The following FBXO5 variants were observed in gnomAD, a reference collection of about 807,000 sequenced individuals.
FBXO5 encodes the protein F-box protein 5, also known as F-box only protein 5.
In FBXO5, 8 loss-of-function variants were observed where a neutral mutation model predicts 43.3. The observed-to-expected ratio is 0.18, with a 90% CI of 0.11 to 0.33. The LOEUF is 0.33. FBXO5 is among the 10% of genes least tolerant of loss of function. FBXO5 has a pLI of 1.00. For missense variants in FBXO5, 491 were observed against 535.7 expected (o/e 0.92, Z 0.82); for synonymous variants, 204 against 193.7 (o/e 1.05, Z -0.44).
At chr6:152,977,939 C>G (rs1225932954) in intron 1 of FBXO5, among the ~76,000 whole-genome samples, 2 of 152,036 alleles carry the variant, frequency 1.3e-5, no homozygotes, top group Admixed American at 1.3e-4. Flanking sequence ...GATGCAAATC[C>G]TTTATATTTG....
At chr6:152,971,566 T>G in intron 4 of FBXO5, 152 bp from the exon 5 acceptor site, 2 of 738,314 alleles carry the variant, frequency 2.7e-6, no homozygotes, top group South Asian at 3.9e-5. Flanking sequence ...CTATTGCCCT[T>G]TATCTATGCA....
At chr6:152,972,111 T>C (rs1430403242) in intron 4 of FBXO5, among the ~76,000 whole-genome samples, 161 bp downstream of exon 4, 1 of 152,194 alleles carries the variant, frequency 6.6e-6, no homozygotes, top group Admixed American at 6.5e-5. Flanking sequence ...CTAATTATAC[T>C]ATAATTAAAT....
chr6:152,980,179 A>C (rs998257147), intron 1 of FBXO5, among the ~76,000 whole-genome samples: 3 of 152,242 alleles, frequency 2.0e-5, no homozygotes, highest in Non-Finnish European at 4.4e-5. Context: ...AAAGACAGAA[A>C]ACATTATATG....
intron 1 of FBXO5, among the ~76,000 whole-genome samples, chr6:152,982,408 C>A (rs1778276156): frequency 6.6e-6 from 1 of 151,622 alleles, no homozygotes; most frequent in African/African-American, 2.4e-5. Context: ...AAAAGGGGCG[C>A]AGGGGGAGAA....
At chr6:152,979,514 T>C (rs1199143972) in intron 1 of FBXO5, among the ~76,000 whole-genome samples, 1 of 152,242 alleles carries the variant, frequency 6.6e-6, no homozygotes, top group African/African-American at 2.4e-5. Flanking sequence ...TACTCCTTTT[T>C]GTTCTTTTTC....
chr6:152,974,568 C>T (rs1011809182), intron 2 of FBXO5, among the ~76,000 whole-genome samples: 3 of 152,180 alleles, frequency 2.0e-5, no homozygotes, highest in African/African-American at 7.2e-5. Flanking sequence ...ACCAGCAAGT[C>T]ATTACCGCAA....
At chr6:152,983,079 G>C, upstream of FBXO5, 1 of 549,582 alleles carries the variant, frequency 1.8e-6, no homozygotes, top group Non-Finnish European at 2.9e-6. Flanking sequence ...TAAAATCTTT[G>C]AATTTGGTGC....
intron 1 of FBXO5, among the ~76,000 whole-genome samples, chr6:152,978,891 T>C (rs1370444163): frequency 6.6e-6 from 1 of 151,732 alleles, no homozygotes; most frequent in Non-Finnish European, 1.5e-5. Flanking sequence ...CTAGGGAGGC[T>C]GAGGCGGGAG....
rs1778077188 is a variant in FBXO5 at position 152,971,020 on chromosome 6, T to A, written c.*143A>T. On this transcript the variant is annotated 3_prime_UTR_variant, in exon 5 of 5. Transcript: ENST00000229758. Reference sequence around the variant, plus strand: ...TATTTTAAGAGGTTGTCTATCCTCTTTATCTTCTGGGGGGAAAAAAACCTC... The same window carrying A: ...TATTTTAAGAGGTTGTCTATCCTCTATATCTTCTGGGGGGAAAAAAACCTC... The A allele has an allele frequency of 2.9e-6, 2 of 693,788 alleles. No homozygotes were observed. The highest frequency in any genetic ancestry group is 4.4e-6 in the Non-Finnish European group (2 of 455,314). The allele number at this position is 693,788 out of a possible 1,614,324, so 43.0% of individuals were successfully genotyped here.
chr6:152,982,192 T>TG (rs60403210), intron 1 of FBXO5, among the ~76,000 whole-genome samples: 7 of 151,982 alleles, frequency 4.6e-5, no homozygotes, highest in African/African-American at 1.7e-4. Context: ...TCCAATGAGT[T>TG]GGGGGGGTGT....
chr6:152,983,042 C>T, upstream of FBXO5: 1 of 786,918 alleles, frequency 1.3e-6, no homozygotes, highest in African/African-American at 1.8e-5. Flanking sequence ...AGACCTGTAT[C>T]TCTTAAAAGG....
At chr6:152,973,222 A>G (rs2129093324) in intron 2 of FBXO5, 86 bp from the exon 3 acceptor site, 2 of 1,056,588 alleles carry the variant, frequency 1.9e-6, no homozygotes, top group South Asian at 2.7e-5. Flanking sequence ...CAGCAGTGCA[A>G]AAAGATATTT....
At position 152,970,632 on chromosome 6, in the gene FBXO5, A is replaced by G. The variant is rs1398078076; in HGVS notation, c.*531T>C. On this transcript the variant is annotated 3_prime_UTR_variant, in exon 5 of 5. Coordinates refer to ENST00000229758, the MANE Select transcript of FBXO5 (RefSeq NM_012177.5). ...ATATTTACATGTATACAAAAATATT[A>G]AAACAGATTTCAGAAATAAGGAAAA... 6.6e-6 allele frequency: 1 copy of G among 152,344 alleles called. No individual in the cohort carries two copies. Among genetic ancestry groups the G allele is most frequent in the Non-Finnish European group, 1.5e-5 (1 of 68,104 alleles). The allele number at this position is 152,344 out of a possible 1,614,324, so 9.4% of individuals were successfully genotyped here. A position where few individuals can be genotyped will look rare whatever the true frequency, so the allele number is the denominator to read the frequency against.
intron 1 of FBXO5, among the ~76,000 whole-genome samples, chr6:152,978,040 T>C (rs911582183): frequency 6.6e-6 from 1 of 152,052 alleles, no homozygotes; most frequent in Non-Finnish European, 1.5e-5. Context: ...GAAGTGTAGC[T>C]TAGTTTGCCC....
rs79257289 is a variant in FBXO5, at chr6:152,970,851, T to C, written c.*312A>G. ...CATATTTAAGACTGTCTAGGTAAAATTGCATGGGTTTCCTTTACCATAAAA... is the reference window on the plus strand; with the variant it reads ...CATATTTAAGACTGTCTAGGTAAAACTGCATGGGTTTCCTTTACCATAAAA... On this transcript the variant is annotated 3_prime_UTR_variant, in exon 5 of 5. Transcript: ENST00000229758. The C allele has an allele frequency of 0.011, 2,225 of 205,902 alleles. 40 individuals are homozygous for C. Among genetic ancestry groups the C allele is most frequent in the African/African-American group, 0.044 (1,891 of 43,032 alleles). 12.8% of individuals were successfully genotyped at this position (205,902 alleles called of 1,614,324 possible).
At position 152,974,968 on chromosome 6, in the gene FBXO5, T is replaced by G. The variant is rs1247938929; in HGVS notation, c.757A>C (p.Arg253=). ...GTTGCTAAGACATGTCTGAGTCCCC[T>G]TCGAAAGAGTTCGCTGAGAATATCT... ...CVDILSELFR[R]GLRHVLATIL... is the part of the protein sequence containing the mutation. Residue 253 remains arginine (R), a synonymous_variant, in exon 2 of 5, where the codon AGG becomes CGG. Coordinates refer to ENST00000229758, the MANE Select transcript of FBXO5 (RefSeq NM_012177.5). 2 of 1,613,332 alleles carry G rather than the reference T, an allele frequency of 1.2e-6. No individual in the cohort carries two copies. The highest frequency in any genetic ancestry group is 4.5e-5 in the East Asian group (2 of 44,892).
At chr6:152,980,514 G>A (rs1340488468) in intron 1 of FBXO5, among the ~76,000 whole-genome samples, 2 of 152,158 alleles carry the variant, frequency 1.3e-5, no homozygotes, top group Non-Finnish European at 2.9e-5. Flanking sequence ...GGTAGGCTGG[G>A]TCAAAAGTGG....
upstream of FBXO5, chr6:152,983,206 C>T (rs953355733): frequency 7.8e-6 from 3 of 382,330 alleles, no homozygotes; most frequent in African/African-American, 2.1e-5. Context: ...GGGGCCGAGC[C>T]GCGAAGCCCA....
intron 1 of FBXO5, among the ~76,000 whole-genome samples, chr6:152,981,660 GAAAAA>G (rs374374061): frequency 1.5e-5 from 2 of 132,050 alleles, no homozygotes; most frequent in Admixed American, 7.6e-5. Flanking sequence ...TATCAAAAAA[GAAAAA>G]AAAAAAACCC....
Sources: allele counts gnomAD v4.1 joint callset (sites outside exome capture counted in the v4.1 genomes callset), GRCh38; gene constraint gnomAD v4.1.1; transcripts MANE v1.5; gene names NCBI Gene and HGNC (gene_info 2026-07-23, HGNC 2026-07-21).